GPR89A: variants seen among roughly 807,000 people sequenced by gnomAD.
GPR89A encodes golgi pH regulator A.
GPR89A carries 16 observed loss-of-function variants against 52.0 expected under a neutral mutation model. The ratio of observed to expected loss-of-function variants is 0.31; its 90% CI spans 0.21 to 0.47. The LOEUF is 0.47. Ranked by LOEUF, GPR89A falls within the 20% of genes least tolerant of loss-of-function variation. GPR89A has a pLI of 1.00. For missense variants in GPR89A, 135 were observed against 449.4 expected, an observed-to-expected ratio of 0.30 and a Z score of 6.33; for synonymous variants, 55 against 150.9, an observed-to-expected ratio of 0.36 and a Z score of 4.66.
At chr1:145,638,555 A>G (rs1234410619) in intron 7 of GPR89A, among the ~76,000 whole-genome samples, 1 of 146,048 alleles carries the variant, frequency 6.8e-6, no homozygotes, top group African/African-American at 2.7e-5. Flanking sequence ...AGAAAACTCA[A>G]CAAAAGTCTC....
At chr1:145,650,639 C>T (rs1571525421) in intron 10 of GPR89A, among the ~76,000 whole-genome samples, 1 of 151,264 alleles carries the variant, frequency 6.6e-6, no homozygotes, top group African/African-American at 2.5e-5. Flanking sequence ...GTAGCCTCGC[C>T]AGCATCTGTT....
At chr1:145,613,430 T>G (rs1235877178) in intron 1 of GPR89A, among the ~76,000 whole-genome samples, 2 of 152,202 alleles carry the variant, frequency 1.3e-5, no homozygotes, top group African/African-American at 2.4e-5. Flanking sequence ...CTTTCTACAC[T>G]GTTGTTTCCT....
At chr1:145,619,326 G>GA in intron 3 of GPR89A, among the ~76,000 whole-genome samples, 1 of 146,542 alleles carries the variant, frequency 6.8e-6, no homozygotes, top group African/African-American at 2.5e-5. Context: ...AGAAGAGAGA[G>GA]GGGCCAGACA....
At chr1:145,614,929 T>C (rs1648555880) in intron 1 of GPR89A, among the ~76,000 whole-genome samples, 1 of 151,988 alleles carries the variant, frequency 6.6e-6, no homozygotes, top group Non-Finnish European at 1.5e-5. Context: ...AGGGGCATGA[T>C]AAGAAGCTAA....
At position 145,634,057 on chromosome 1, in the gene GPR89A, A is replaced by G. The variant is rs146871884; in HGVS notation, c.617+2313A>G. On this transcript the variant is annotated intron_variant, in intron 7 of 13. Transcript: ENST00000313835. Reference sequence around the variant, plus strand: ...GGACTGGTGTATAATTTTTGTATTCAAAGAATGGAATATTGTCTATTGTGT... The same window carrying G: ...GGACTGGTGTATAATTTTTGTATTCGAAGAATGGAATATTGTCTATTGTGT... 4.9e-3 allele frequency among the ~76,000 whole-genome samples: 731 copies of G among 149,560 alleles called. 8 individuals are homozygous for G. The highest frequency in any genetic ancestry group is 0.017 in the African/African-American group (689 of 40,394).
Position 145,608,198 on chromosome 1 carries a change from G to C in GPR89A, c.42+23G>C, listed in dbSNP as rs782685071. The C allele has an allele frequency of 7.4e-6, 12 of 1,613,688 alleles. No individual in the cohort carries two copies. In the South Asian group the frequency reaches 1.1e-4, roughly 15 times the overall value. On this transcript the variant is annotated intron_variant, in intron 1 of 13. Coordinates refer to ENST00000313835, the MANE Select transcript of GPR89A (RefSeq NM_001097612.2). ...CAGGTGAGTCACCGCCTCCCGCCCCGACACCCGTCCGCCTCCCTTTACCGA... is the reference window on the plus strand; with the variant it reads ...CAGGTGAGTCACCGCCTCCCGCCCCCACACCCGTCCGCCTCCCTTTACCGA...
chr1:145,662,106 C>T (rs1355323175), intron 10 of GPR89A, among the ~76,000 whole-genome samples: 1 of 152,074 alleles, frequency 6.6e-6, no homozygotes, highest in African/African-American at 2.4e-5. Context: ...CTCTTGTTGG[C>T]AGGAGTGTTC....
chr1:145,611,384 ATCTTT>A (rs1553686113), intron 1 of GPR89A: 6 of 142,728 alleles, frequency 4.2e-5, no homozygotes, highest in Non-Finnish European at 9.1e-5. Flanking sequence ...TGTTTTTGCC[ATCTTT>A]ATGTTGGTGA....
chr1:145,667,091 G>T (rs1366128336), intron 12 of GPR89A, among the ~76,000 whole-genome samples: 4 of 152,118 alleles, frequency 2.6e-5, no homozygotes, highest in African/African-American at 7.2e-5. Flanking sequence ...AATCCTTTGG[G>T]TATATACCCA....
intron 10 of GPR89A, among the ~76,000 whole-genome samples, chr1:145,659,826 T>G (rs1458531518): frequency 1.1e-3 from 144 of 133,442 alleles, no homozygotes; most frequent in African/African-American, 4.1e-3. Flanking sequence ...TTGGTAGCTT[T>G]ATAGGGATGG....
Position 145,616,136 on chromosome 1 carries a change from A to T in GPR89A, c.43-98A>T, listed in dbSNP as rs587623225. ...TTATCTTTAATCCCTGAAATAAGTT[A>T]ACCGTCTAGTTAGCAGACCTTTTAT... On this transcript the variant is annotated intron_variant, in intron 1 of 13. Transcript: ENST00000313835. 8.4e-6 allele frequency: 6 copies of T among 716,474 alleles called. No individual in the cohort carries two copies. The East Asian group carries it at 1.5e-4, about 18-fold the overall frequency. 44.4% of individuals were successfully genotyped at this position (716,474 alleles called of 1,614,324 possible). A position where few individuals can be genotyped will look rare whatever the true frequency, so the allele number is the denominator to read the frequency against.
chr1:145,646,674 C>T (rs782246838), intron 9 of GPR89A: 4 of 226,176 alleles, frequency 1.8e-5, no homozygotes, highest in South Asian at 8.1e-5. Context: ...CAATAAGTGT[C>T]GAAACTGTAA....
At chr1:145,626,698 C>T (rs2101760138) in intron 5 of GPR89A, among the ~76,000 whole-genome samples, 1 of 151,106 alleles carries the variant, frequency 6.6e-6, no homozygotes, top group East Asian at 2.0e-4. Flanking sequence ...CCCTATAATC[C>T]CAGCACTTTG....
intron 1 of GPR89A, among the ~76,000 whole-genome samples, chr1:145,615,884 T>C (rs1648648789): frequency 6.6e-6 from 1 of 152,072 alleles, no homozygotes; most frequent in Non-Finnish European, 1.5e-5. Flanking sequence ...CCTCCCAAAG[T>C]GCTGGGATTA....
chr1:145,637,120 G>A, intron 7 of GPR89A, among the ~76,000 whole-genome samples: 1 of 152,184 alleles, frequency 6.6e-6, no homozygotes, highest in African/African-American at 2.4e-5. Context: ...GCTTCTTGGT[G>A]CGATTTGCAA....
At chr1:145,661,805 C>G (rs1333406237) in intron 10 of GPR89A, among the ~76,000 whole-genome samples, 2 of 149,002 alleles carry the variant, frequency 1.3e-5, no homozygotes, top group Non-Finnish European at 3.0e-5. Context: ...TTGCTATGTA[C>G]TGCTATACTA....
chr1:145,653,121 C>G (rs1388613262), intron 10 of GPR89A, among the ~76,000 whole-genome samples: 5 of 150,786 alleles, frequency 3.3e-5, no homozygotes, highest in African/African-American at 1.2e-4. Flanking sequence ...TTAGTGCTAT[C>G]CATTTCCCTC....
intron 3 of GPR89A, among the ~76,000 whole-genome samples, chr1:145,622,102 G>A (rs1178880691): frequency 4.6e-5 from 7 of 152,002 alleles, no homozygotes; most frequent in South Asian, 2.1e-4. Flanking sequence ...GAAAACATAC[G>A]TCCACACCAG....
intron 1 of GPR89A, among the ~76,000 whole-genome samples, chr1:145,612,733 A>G (rs1648388299): frequency 6.6e-6 from 1 of 152,102 alleles, no homozygotes; most frequent in Admixed American, 6.5e-5. Context: ...CTAGTATTCC[A>G]CCATCCTTCT....
Sources: allele counts gnomAD v4.1 joint callset (sites outside exome capture counted in the v4.1 genomes callset), GRCh38; gene constraint gnomAD v4.1.1; transcripts MANE v1.5; gene names NCBI Gene and HGNC (gene_info 2026-07-23, HGNC 2026-07-21).